The following LAMA4 variants were observed in gnomAD, a reference collection of about 807,000 sequenced individuals.
The protein encoded by LAMA4 is laminin subunit alpha-4.
A neutral mutation model predicts 207.1 loss-of-function variants in LAMA4; 127 were observed. The ratio of observed to expected loss-of-function variants is 0.61; its 90% CI spans 0.53 to 0.71. LAMA4 has a LOEUF of 0.71. Ranked by LOEUF, LAMA4 falls within the 30% of genes least tolerant of loss-of-function variation. The pLI is 0.00. For synonymous variants in LAMA4, 761 were observed against 816.0 expected, an observed-to-expected ratio of 0.93 and a Z score of 1.15; for missense variants, 2,093 against 2,246.5, an observed-to-expected ratio of 0.93 and a Z score of 1.38.
intron 4 of LAMA4, among the ~76,000 whole-genome samples, chr6:112,204,550 A>G (rs2115014885): frequency 6.6e-6 from 1 of 152,248 alleles, no homozygotes; most frequent in African/African-American, 2.4e-5. Flanking sequence ...CAACATGTTT[A>G]TGAGAGAATG....
In LAMA4 at chr6:112,128,800, T is replaced by A. The variant is rs1476114863; in HGVS notation, c.4287+122A>T. ...ACTAGAATATGTGATACTGCAAGAA[T>A]CCCATCTTTCCTATGTACGTAGTTG... On this transcript the variant is annotated intron_variant, in intron 31 of 38. Transcript: ENST00000230538. 10 of 777,710 alleles carry A rather than the reference T, an allele frequency of 1.3e-5. No individual in the cohort carries two copies. In the Admixed American group the frequency reaches 1.7e-4, roughly 13 times the overall value. The allele number at this position is 777,710 out of a possible 1,614,324, so 48.2% of individuals were successfully genotyped here. A position where few individuals can be genotyped will look rare whatever the true frequency, so the allele number is the denominator to read the frequency against.
chr6:112,159,532 C>T (rs1554337868), intron 13 of LAMA4: 1 of 153,232 alleles, frequency 6.5e-6, no homozygotes. Context: ...CCGTGAGTTT[C>T]AGCCTTGGCT....
At chr6:112,193,646 G>A (rs1334655448) in intron 5 of LAMA4, among the ~76,000 whole-genome samples, 2 of 152,128 alleles carry the variant, frequency 1.3e-5, no homozygotes, top group South Asian at 2.1e-4. Flanking sequence ...CTTCATCTAT[G>A]TGAGTTTATT....
intron 31 of LAMA4, among the ~76,000 whole-genome samples, chr6:112,124,290 GC>G (rs1554326905): frequency 6.6e-6 from 1 of 152,180 alleles, no homozygotes; most frequent in East Asian, 1.9e-4. Context: ...GCTCAGTGAA[GC>G]ACAGGGTTAT....
At chr6:112,163,082 C>G (rs528698717) in intron 13 of LAMA4, among the ~76,000 whole-genome samples, 1 of 151,798 alleles carries the variant, frequency 6.6e-6, no homozygotes, top group South Asian at 2.1e-4. Context: ...AGTGATCCTC[C>G]CATCTCAGCC....
chr6:112,253,851 G>A, intron 2 of LAMA4, 105 bp downstream of exon 2: 1 of 1,614,234 alleles, frequency 6.2e-7, no homozygotes, highest in Non-Finnish European at 8.5e-7. Flanking sequence ...AACTCTCAAG[G>A]CACTGGGGAG....
chr6:112,206,206 A>G (rs1463724146), intron 4 of LAMA4, among the ~76,000 whole-genome samples: 1 of 152,160 alleles, frequency 6.6e-6, no homozygotes, highest in Non-Finnish European at 1.5e-5. Flanking sequence ...AAGTGTGACT[A>G]GCCTGGGGAC....
chr6:112,216,330 A>C (rs782792924), intron 3 of LAMA4, 38 bp downstream of exon 3: 10 of 1,295,334 alleles, frequency 7.7e-6, no homozygotes, highest in Admixed American at 3.4e-5. Flanking sequence ...GCAAATGCCC[A>C]GTGAAGTACG....
At chr6:112,223,307 G>C (rs1446787831) in intron 2 of LAMA4, among the ~76,000 whole-genome samples, 2 of 152,196 alleles carry the variant, frequency 1.3e-5, no homozygotes, top group Non-Finnish European at 2.9e-5. Flanking sequence ...TGAGTAGAGA[G>C]AAAGGACTTC....
Position 112,127,086 on chromosome 6 carries a change from C to G in LAMA4, c.4287+1836G>C, listed in dbSNP as rs149616671. Among the ~76,000 whole-genome samples, 759 of 152,258 alleles carry G rather than the reference C, an allele frequency of 5.0e-3. 5 individuals are homozygous for G. Among genetic ancestry groups the G allele is most frequent in the African/African-American group, 0.018 (732 of 41,558 alleles). ...GCATTAACTCATTTAGTTTTTGTTA[C>G]AACCCTATGATGCAGATAGCTGTGT... On this transcript the variant is annotated intron_variant, in intron 31 of 38. Coordinates refer to ENST00000230538, the MANE Select transcript of LAMA4 (RefSeq NM_001105206.3).
intron 20 of LAMA4, 136 bp from the exon 21 acceptor site, chr6:112,141,639 C>T (rs1779701384): frequency 2.8e-6 from 2 of 720,424 alleles, no homozygotes; most frequent in Admixed American, 2.2e-5. Context: ...ATCCGAAGCT[C>T]CTGTGAGCAG....
chr6:112,130,960 A>G lies in LAMA4; in HGVS notation c.3968+8T>C. ...ATGGTGGAAAGAATATGAAGTGAGGAGCTATACCTTGTGGGTGAGACAGAG... is the reference window on the plus strand; with the variant it reads ...ATGGTGGAAAGAATATGAAGTGAGGGGCTATACCTTGTGGGTGAGACAGAG... On this transcript the variant is annotated splice_region_variant and intron_variant, in intron 29 of 38. Coordinates refer to ENST00000230538, the MANE Select transcript of LAMA4 (RefSeq NM_001105206.3). The G allele has an allele frequency of 1.9e-6, 3 of 1,612,552 alleles. No individual in the cohort carries two copies. Among genetic ancestry groups the G allele is most frequent in the East Asian group, 2.2e-5 (1 of 44,850 alleles).
At chr6:112,144,645 C>T (rs902088133) in intron 19 of LAMA4, 149 bp downstream of exon 19, 6 of 922,240 alleles carry the variant, frequency 6.5e-6, no homozygotes, top group South Asian at 3.9e-5. Context: ...GTGTTCCTCA[C>T]GTGTTTCTAA....
rs1164511137 is a variant in LAMA4 at position 112,206,417 on chromosome 6, A to G, written c.422+604T>C. Reference sequence around the variant, plus strand: ...TCCATATTCTGTCATTTTAAAGAGAATAAAATGGCCATTGATGACTTAATT... The same window carrying G: ...TCCATATTCTGTCATTTTAAAGAGAGTAAAATGGCCATTGATGACTTAATT... On this transcript the variant is annotated intron_variant, in intron 4 of 38. Coordinates refer to ENST00000230538, the MANE Select transcript of LAMA4 (RefSeq NM_001105206.3). Among the ~76,000 whole-genome samples, 3 of 152,232 alleles carry G rather than the reference A, an allele frequency of 2.0e-5. No homozygotes were observed. The East Asian group carries it at 5.8e-4, about 29-fold the overall frequency.
intron 2 of LAMA4, among the ~76,000 whole-genome samples, chr6:112,226,118 C>G (rs1186447816): frequency 6.6e-6 from 1 of 152,078 alleles, no homozygotes; most frequent in African/African-American, 2.4e-5. Context: ...GTTTCTCTCT[C>G]GGATAATTAT....
chr6:112,184,987 A>C (rs1782597658), intron 9 of LAMA4, among the ~76,000 whole-genome samples: 1 of 152,220 alleles, frequency 6.6e-6, no homozygotes, highest in Admixed American at 6.5e-5. Context: ...GTATCAACCC[A>C]CCGCAAATAC....
rs782677810 is a variant in LAMA4, at chr6:112,114,221, A to G, written c.5207-26T>C. 2.5e-6 allele frequency: 4 copies of G among 1,609,538 alleles called. No homozygotes were observed. In the East Asian group the frequency reaches 9.0e-5, roughly 36 times the overall value. On this transcript the variant is annotated intron_variant, in intron 37 of 38. Transcript: ENST00000230538. ...CTGAAATGCAGGGCAAAGACTGGTC[A>G]TAAGTGGCACTGGAGTGATGAATTT... is the stretch of plus-strand genomic sequence containing the variant.
In LAMA4 at chr6:112,175,407, C is replaced by A. The variant is rs1386982947; in HGVS notation, c.1263G>T (p.Val421=). 7 of 1,614,072 alleles carry A rather than the reference C, an allele frequency of 4.3e-6. No individual in the cohort carries two copies. Among genetic ancestry groups the A allele is most frequent in the Admixed American group, 3.3e-5 (2 of 60,008 alleles). The stretch of plus-strand genomic sequence containing the variant: ...TCTCTTCAAGCATCTTCTGGGCCAA[C>A]ACCAGCTTCTCAGAGATTTCCTTGG... The part of the protein sequence containing the change: ...LSPKEISEKL[V]LAQKMLEEIR... The change falls in exon 11 of 39, where the codon GTG becomes GTT. Residue 421 remains valine (V), a synonymous_variant. Transcript: ENST00000230538.
chr6:112,124,219 C>T (rs1387646798), intron 31 of LAMA4, among the ~76,000 whole-genome samples: 2 of 152,184 alleles, frequency 1.3e-5, no homozygotes, highest in African/African-American at 4.8e-5. Context: ...TTCCTGTTTT[C>T]TCCATTTGGA....
Sources: allele counts gnomAD v4.1 joint callset (sites outside exome capture counted in the v4.1 genomes callset), GRCh38; gene constraint gnomAD v4.1.1; transcripts MANE v1.5; gene names NCBI Gene and HGNC (gene_info 2026-07-23, HGNC 2026-07-21).